Variants in KLHL28 observed in about 807,000 individuals in gnomAD.
The protein encoded by KLHL28 is kelch like family member 28.
A neutral mutation model predicts 48.3 loss-of-function variants in KLHL28; 22 were observed. The observed-to-expected ratio is 0.46, with a 90% CI of 0.33 to 0.65. The LOEUF is 0.65. Ranked by LOEUF, KLHL28 falls within the 30% of genes least tolerant of loss-of-function variation. The probability of loss-of-function intolerance (pLI) is 0.03; values close to 1 mark genes in which losing one functional copy is unlikely to be tolerated. For synonymous variants in KLHL28, 243 were observed against 242.4 expected, an observed-to-expected ratio of 1.00 and a Z score of -0.02; for missense variants, 527 against 704.3, an observed-to-expected ratio of 0.75 and a Z score of 2.85.
chr14:44,933,841 G>A (rs1883690050), intron 3 of KLHL28, among the ~76,000 whole-genome samples: 1 of 152,090 alleles, frequency 6.6e-6, no homozygotes, highest in South Asian at 2.1e-4. Context: ...AAAATCTAAA[G>A]TTGTCTAACT....
At chr14:44,947,214 A>C (rs1884376529) in intron 1 of KLHL28, among the ~76,000 whole-genome samples, 1 of 152,216 alleles carries the variant, frequency 6.6e-6, no homozygotes. Context: ...AGGTCATGTG[A>C]CTAAAGAGGC....
At chr14:44,936,686 T>C (rs746975155) in intron 2 of KLHL28, among the ~76,000 whole-genome samples, 5 of 152,226 alleles carry the variant, frequency 3.3e-5, no homozygotes, top group African/African-American at 9.6e-5. Flanking sequence ...TCCAGTTACA[T>C]TCTGCTGCTC....
chr14:44,930,165 A>T (rs1267190432), intron 4 of KLHL28, among the ~76,000 whole-genome samples: 1 of 152,216 alleles, frequency 6.6e-6, no homozygotes, highest in Non-Finnish European at 1.5e-5. Context: ...AGTAAACACT[A>T]AAACAGTTCA....
chr14:44,929,992 T>C (rs1883513051), intron 4 of KLHL28, among the ~76,000 whole-genome samples: 1 of 152,140 alleles, frequency 6.6e-6, no homozygotes, highest in South Asian at 2.1e-4. Flanking sequence ...TTCAAATACA[T>C]TGAAATATTT....
At chr14:44,960,450 A>C (rs1884990075) in intron 1 of KLHL28, among the ~76,000 whole-genome samples, 1 of 152,184 alleles carries the variant, frequency 6.6e-6, no homozygotes, top group Non-Finnish European at 1.5e-5. Context: ...CATGACTAGA[A>C]GTCTACACAT....
rs1042349996 is a variant in KLHL28 at position 44,926,454 on chromosome 14, T to G, written c.*2574A>C. On this transcript the variant is annotated 3_prime_UTR_variant, in exon 5 of 5. Transcript: ENST00000396128. ...CTAATTTGATAGTGGAGATGATACA[T>G]GAGTAAAATATTGTTAAAATACAAT... is the stretch of plus-strand genomic sequence containing the variant. 1 of 152,150 alleles carries G rather than the reference T, an allele frequency of 6.6e-6. No individual in the cohort carries two copies. The highest frequency in any genetic ancestry group is 1.5e-5 in the Non-Finnish European group (1 of 68,004). The allele number at this position is 152,150 out of a possible 1,614,324, so 9.4% of individuals were successfully genotyped here.
chr14:44,960,035 C>T (rs1389711599), intron 1 of KLHL28, among the ~76,000 whole-genome samples: 1 of 152,098 alleles, frequency 6.6e-6, no homozygotes, highest in Non-Finnish European at 1.5e-5. Context: ...GTCCCATTTC[C>T]TAAATATCCA....
At chr14:44,951,161 T>C (rs766827141) in intron 1 of KLHL28, among the ~76,000 whole-genome samples, 9 of 152,172 alleles carry the variant, frequency 5.9e-5, no homozygotes, top group Non-Finnish European at 8.8e-5. Context: ...TCTAAGGGTG[T>C]GGGATGGGGT....
At chr14:44,936,541 T>A (rs1883830353) in intron 2 of KLHL28, among the ~76,000 whole-genome samples, 1 of 152,080 alleles carries the variant, frequency 6.6e-6, no homozygotes, top group Admixed American at 6.5e-5. Context: ...GAAGGGTTTG[T>A]GGATGTTTTT....
intron 1 of KLHL28, among the ~76,000 whole-genome samples, chr14:44,948,787 C>T (rs1394600768): frequency 1.3e-5 from 2 of 152,032 alleles, no homozygotes; most frequent in African/African-American, 4.8e-5. Context: ...AACCTTTCTC[C>T]TCTGATCTTC....
chr14:44,955,114 A>G (rs1010488673), intron 1 of KLHL28, among the ~76,000 whole-genome samples: 6 of 152,054 alleles, frequency 3.9e-5, no homozygotes, highest in Non-Finnish European at 8.8e-5. Flanking sequence ...TTGGTATGGG[A>G]AAAAGAAGGT....
In KLHL28 at chr14:44,945,363, C is replaced by T; in HGVS notation, c.566G>A (p.Cys189Tyr). 1 of 1,614,178 alleles carries T rather than the reference C, an allele frequency of 6.2e-7. No homozygotes were observed. The highest frequency in any genetic ancestry group is 1.7e-5 in the Admixed American group (1 of 60,024). The change falls in exon 2 of 5, where the codon TGT becomes TAT. Residue 189 changes from cysteine (C) to tyrosine (Y), a missense_variant. Cys to Tyr is a radical substitution (Grantham distance 194, BLOSUM62 -2). Transcript: ENST00000396128. ...ADLDEIVSND[C>Y]LNVATEETVF... ...AGTCTCTTCGGTAGCTACATTCAAA[C>T]AGTCATTGGAAACAATTTCATCCAA...
chr14:44,955,831 A>C (rs1302703473), intron 1 of KLHL28, among the ~76,000 whole-genome samples: 1 of 152,182 alleles, frequency 6.6e-6, no homozygotes. Flanking sequence ...AAGCTATCAA[A>C]TACTACAAGA....
At chr14:44,957,468 C>T (rs1433583647) in intron 1 of KLHL28, among the ~76,000 whole-genome samples, 1 of 152,070 alleles carries the variant, frequency 6.6e-6, no homozygotes, top group Non-Finnish European at 1.5e-5. Context: ...TGGAACAATG[C>T]TCTCTACACA....
At chr14:44,939,824 G>A (rs1291280288) in intron 2 of KLHL28, among the ~76,000 whole-genome samples, 1 of 152,070 alleles carries the variant, frequency 6.6e-6, no homozygotes, top group Admixed American at 6.6e-5. Context: ...GGCAATCTAG[G>A]CTTCTTCCAG....
At position 44,927,181 on chromosome 14, in the gene KLHL28, G is replaced by T. The variant is rs1883400983; in HGVS notation, c.*1847C>A. The T allele has an allele frequency of 6.6e-6, 1 of 152,522 alleles. No individual in the cohort carries two copies. Among genetic ancestry groups the T allele is most frequent in the Non-Finnish European group, 1.5e-5 (1 of 68,008 alleles). 9.4% of individuals were successfully genotyped at this position (152,522 alleles called of 1,614,324 possible). On this transcript the variant is annotated 3_prime_UTR_variant, in exon 5 of 5. Transcript: ENST00000396128. ...TCACTTGCAAGGTTTTATAATCTGTGCAAATATTCATAAAGCATGATACTA... is the reference window on the plus strand; with the variant it reads ...TCACTTGCAAGGTTTTATAATCTGTTCAAATATTCATAAAGCATGATACTA...
intron 1 of KLHL28, among the ~76,000 whole-genome samples, chr14:44,960,487 G>A (rs1329109095): frequency 6.6e-6 from 1 of 152,186 alleles, no homozygotes; most frequent in Non-Finnish European, 1.5e-5. Flanking sequence ...GGAACTGTGA[G>A]AACCAGACAC....
intron 2 of KLHL28, among the ~76,000 whole-genome samples, chr14:44,937,557 T>C (rs995621251): frequency 2.6e-5 from 4 of 152,332 alleles, no homozygotes; most frequent in Middle Eastern, 6.8e-3. Context: ...TGATGGATTA[T>C]CTGTAAGTTA....
chr14:44,960,203 CATG>C (rs1482470074), intron 1 of KLHL28, among the ~76,000 whole-genome samples: 3 of 152,192 alleles, frequency 2.0e-5, no homozygotes, highest in Non-Finnish European at 2.9e-5. Flanking sequence ...AGGAAAAGGG[CATG>C]ATAACTGCTT....
Sources: gnomAD v4.1 joint callset for allele counts (sites outside exome capture counted in the v4.1 genomes callset) on GRCh38, gnomAD v4.1.1 for gene constraint, MANE v1.5 for transcripts, NCBI Gene and HGNC (gene_info 2026-07-23, HGNC 2026-07-21) for gene names.